CIB4: variants seen among roughly 807,000 people sequenced by gnomAD.
CIB4 encodes calcium and integrin-binding family member 4.
In CIB4, 25 loss-of-function variants were observed where a neutral mutation model predicts 25.8. The observed-to-expected ratio is 0.97, with a 90% CI of 0.71 to 1.35. The LOEUF (loss-of-function observed/expected upper bound fraction) is 1.35. CIB4 is among the 40% of genes most tolerant of loss of function. The pLI, the probability that CIB4 is intolerant of heterozygous loss-of-function variation, is 0.00. For missense variants in CIB4, 235 were observed against 228.2 expected (o/e 1.03, Z -0.19); for synonymous variants, 75 against 81.4 (o/e 0.92, Z 0.42).
At chr2:26,608,426 C>A (rs901927032) in intron 3 of CIB4, among the ~76,000 whole-genome samples, 12 of 152,188 alleles carry the variant, frequency 7.9e-5, no homozygotes, top group Non-Finnish European at 1.8e-4. Context: ...GATGCCTTAA[C>A]CCTAGCATAG....
intron 3 of CIB4, among the ~76,000 whole-genome samples, chr2:26,622,309 C>T (rs1400925970): frequency 2.6e-5 from 4 of 151,756 alleles, no homozygotes; most frequent in Non-Finnish European, 4.4e-5. Flanking sequence ...TGCAGTGAGC[C>T]GAGATCGCAT....
intron 3 of CIB4, among the ~76,000 whole-genome samples, chr2:26,607,992 C>T (rs1018043637): frequency 1.2e-4 from 19 of 152,262 alleles, no homozygotes; most frequent in African/African-American, 4.6e-4. Context: ...AATCCCAGCA[C>T]TTTGCAAGGC....
chr2:26,600,950 C>G (rs1668770350), intron 3 of CIB4, among the ~76,000 whole-genome samples: 1 of 151,920 alleles, frequency 6.6e-6, no homozygotes, highest in African/African-American at 2.4e-5. Flanking sequence ...AAGACCTAGG[C>G]TGGGAGCGGT....
Position 26,629,423 on chromosome 2 carries a change from A to T in CIB4, c.173T>A (p.Leu58Gln). The change falls in exon 3 of 7, where the codon CTG becomes CAG. Residue 58 changes from leucine to glutamine, a missense_variant. By Grantham distance (113) the Leu-to-Gln change is moderately radical (BLOSUM62 -2). Coordinates refer to ENST00000288861, the MANE Select transcript of CIB4 (RefSeq NM_001029881.3). ...TCCTGGACTCACCCGCAGAGCTGGC[A>T]GGGAGCTGACCTGGTCCATGGTGAG... ...ATLTMDQVSS[L>Q]PALRVNPFRD... The T allele has an allele frequency of 6.3e-7, 1 of 1,577,112 alleles. No homozygotes were observed.
intron 3 of CIB4, 100 bp downstream of exon 3, chr2:26,629,310 G>C (rs1394825965): frequency 1.3e-6 from 1 of 748,770 alleles, no homozygotes; most frequent in Non-Finnish European, 2.3e-6. Flanking sequence ...CCATCCCACA[G>C]CACGGAGTGC....
intron 4 of CIB4, among the ~76,000 whole-genome samples, chr2:26,590,339 G>T (rs1400002087): frequency 6.8e-6 from 1 of 147,374 alleles, no homozygotes; most frequent in Non-Finnish European, 1.5e-5. Context: ...TTAGATCAAT[G>T]CTTCTTAGAC....
intron 3 of CIB4, among the ~76,000 whole-genome samples, chr2:26,608,028 A>G (rs1377297463): frequency 6.6e-6 from 1 of 152,250 alleles, no homozygotes; most frequent in African/African-American, 2.4e-5. Flanking sequence ...ACCTGAAGTC[A>G]GGAGTTCAAG....
intron 5 of CIB4, among the ~76,000 whole-genome samples, chr2:26,583,159 T>C (rs1039254905): frequency 8.6e-5 from 13 of 151,676 alleles, no homozygotes; most frequent in Non-Finnish European, 1.6e-4. Flanking sequence ...AACAAGAGTG[T>C]CCCCCACCTG....
intron 3 of CIB4, 52 bp downstream of exon 3, chr2:26,629,356 CAT>C: frequency 1.7e-6 from 2 of 1,174,962 alleles, no homozygotes; most frequent in Non-Finnish European, 2.5e-6. Context: ...CCCATCAGCC[CAT>C]CAGCAGGTCC....
intron 4 of CIB4, among the ~76,000 whole-genome samples, chr2:26,590,259 A>AAG (rs71874786): frequency 5.6e-5 from 1 of 17,810 alleles, no homozygotes; most frequent in South Asian, 2.6e-3. Flanking sequence ...AAGCATCTGT[A>AAG]AAAAAAAAAA....
intron 5 of CIB4, 112 bp downstream of exon 5, chr2:26,583,677 G>A (rs35349779): frequency 0.043 from 31,125 of 729,462 alleles, 937 homozygotes; most frequent in Non-Finnish European, 0.063. Flanking sequence ...ATCTGCCTCA[G>A]GCTGGCCCTG....
Position 26,589,108 on chromosome 2 carries a change from C to CT in CIB4, c.329-5211dup, listed in dbSNP as rs1668531650. On this transcript the variant is annotated intron_variant, in intron 4 of 6. Transcript: ENST00000288861. ...CTTCTTCTTCTTCTTCTTCTTCTTC[C>CT]TCTTCTTCTTCTTCTTCTTCTTCTT... Among the ~76,000 whole-genome samples, 59 of 67,828 alleles carry CT rather than the reference C, an allele frequency of 8.7e-4. 8 individuals are homozygous for CT. Among genetic ancestry groups the CT allele is most frequent in the African/African-American group, 3.9e-3 (58 of 14,778 alleles). 44.5% of individuals were successfully genotyped at this position (67,828 alleles called of 152,430 possible). A position where few individuals can be genotyped will look rare whatever the true frequency, so the allele number is the denominator to read the frequency against.
intron 2 of CIB4, among the ~76,000 whole-genome samples, chr2:26,630,025 T>C (rs1669386728): frequency 6.6e-6 from 1 of 152,160 alleles, no homozygotes; most frequent in Admixed American, 6.5e-5. Context: ...ACCACCAGCC[T>C]TGCTAGGCCA....
At chr2:26,621,125 G>A (rs1458229935) in intron 3 of CIB4, among the ~76,000 whole-genome samples, 1 of 151,734 alleles carries the variant, frequency 6.6e-6, no homozygotes, top group Non-Finnish European at 1.5e-5. Flanking sequence ...AGAGCTGAAG[G>A]ACATGAGTTT....
intron 3 of CIB4, among the ~76,000 whole-genome samples, chr2:26,613,157 G>C (rs1359219020): frequency 6.6e-6 from 1 of 152,126 alleles, no homozygotes; most frequent in African/African-American, 2.4e-5. Flanking sequence ...TGATCCCCCA[G>C]CTTATGCCTG....
intron 2 of CIB4, among the ~76,000 whole-genome samples, chr2:26,630,131 G>C (rs1243670488): frequency 1.3e-5 from 2 of 152,234 alleles, no homozygotes; most frequent in Admixed American, 6.5e-5. Flanking sequence ...TCCCATCCCA[G>C]TCAAGAGGAT....
intron 4 of CIB4, among the ~76,000 whole-genome samples, chr2:26,584,366 G>C (rs1668410821): frequency 6.6e-6 from 1 of 152,128 alleles, no homozygotes; most frequent in Admixed American, 6.5e-5. Flanking sequence ...GAGCCAGGCA[G>C]TGTGGAGCAG....
chr2:26,640,488 A>G lies in CIB4; in HGVS notation c.89+45T>C, dbSNP rs376248509. On this transcript the variant is annotated intron_variant, in intron 2 of 6. Transcript: ENST00000288861. ...GTATTAGGGCAAGAATCCAGCTCAGAGGGAGGAGCTGGGAGAAGGAAAGAG... is the reference window on the plus strand; with the variant it reads ...GTATTAGGGCAAGAATCCAGCTCAGGGGGAGGAGCTGGGAGAAGGAAAGAG... The G allele has an allele frequency of 1.2e-5, 19 of 1,595,468 alleles. No individual in the cohort carries two copies. In the African/African-American group the frequency reaches 2.6e-4, roughly 21 times the overall value.
chr2:26,598,771 CT>C (rs1471939836), intron 3 of CIB4, among the ~76,000 whole-genome samples: 22 of 152,310 alleles, frequency 1.4e-4, no homozygotes, highest in African/African-American at 3.8e-4. Flanking sequence ...ATGAGCCCCC[CT>C]GAGACAGAGC....
Sources: allele counts gnomAD v4.1 joint callset (sites outside exome capture counted in the v4.1 genomes callset), GRCh38; gene constraint gnomAD v4.1.1; transcripts MANE v1.5; gene names NCBI Gene and HGNC (gene_info 2026-07-23, HGNC 2026-07-21).